Variants in ANKRD42 observed in about 807,000 individuals in gnomAD.
ANKRD42 encodes ankyrin repeat domain-containing protein 42.
A neutral mutation model predicts 51.5 loss-of-function variants in ANKRD42; 43 were observed. The ratio of observed to expected loss-of-function variants is 0.83; its 90% confidence interval spans 0.65 to 1.08. The LOEUF is 1.08. ANKRD42 is among the 50% of genes least tolerant of loss of function. ANKRD42 has a pLI of 0.00. For missense variants in ANKRD42, 608 were observed against 629.3 expected, an observed-to-expected ratio of 0.97 and a Z score of 0.36; for synonymous variants, 203 against 213.0, an observed-to-expected ratio of 0.95 and a Z score of 0.41.
Position 83,255,895 on chromosome 11 carries a change from A to C in ANKRD42, c.1515A>C (p.Lys505Asn), listed in dbSNP as rs897458558. ...ACAAAGAGAAGAGGCGAGTAAAAAAAAAGGTTTCTTCTGGAGGGGTGTTTG... is the reference window on the plus strand; with the variant it reads ...ACAAAGAGAAGAGGCGAGTAAAAAACAAGGTTTCTTCTGGAGGGGTGTTTG... The change falls in exon 12 of 12, where the codon AAA (lysine) becomes AAC (asparagine). Residue 505 changes from lysine (K) to asparagine (N), a missense_variant. By Grantham distance (94) the Lys-to-Asn change is moderately conservative. Transcript: ENST00000260047. 5 of 1,534,882 alleles carry C rather than the reference A, an allele frequency of 3.3e-6. No individual in the cohort carries two copies. In the Admixed American group the frequency reaches 9.8e-5, roughly 30 times the overall value.
chr11:83,255,233 C>CA (rs1436428496), intron 11 of ANKRD42, among the ~76,000 whole-genome samples: 1 of 152,182 alleles, frequency 6.6e-6, no homozygotes, highest in African/African-American at 2.4e-5. Context: ...AGTGACCATC[C>CA]ATTGTGTTTC....
chr11:83,239,125 G>A (rs1476265364), intron 8 of ANKRD42, among the ~76,000 whole-genome samples: 2 of 152,140 alleles, frequency 1.3e-5, no homozygotes, highest in Non-Finnish European at 2.9e-5. Context: ...TAGGTATGTA[G>A]TGGTAGCTCA....
At position 83,241,670 on chromosome 11, in the gene ANKRD42, T is replaced by C. The variant is rs568009963; in HGVS notation, c.1195+736T>C. Among the ~76,000 whole-genome samples the C allele has an allele frequency of 1.1e-4, 17 of 152,322 alleles. No individual in the cohort carries two copies. In the East Asian group the frequency reaches 3.1e-3, roughly 28 times the overall value. On this transcript the variant is annotated intron_variant, in intron 9 of 10. Coordinates refer to ENST00000533342, the MANE Select transcript of ANKRD42 (RefSeq NM_001300975.2). ...CCCAGTCAGATCATGTAGGGCCTAA[T>C]AAGGATTTTAGATTTCGATTTTTAT...
intron 4 of ANKRD42, among the ~76,000 whole-genome samples, chr11:83,211,087 T>C (rs1862296765): frequency 6.6e-6 from 1 of 152,260 alleles, no homozygotes; most frequent in African/African-American, 2.4e-5. Flanking sequence ...AACTATTTTA[T>C]GTGACTCGTT....
At chr11:83,261,847 A>G (rs1591022748), downstream of ANKRD42, 1 of 1,212,288 alleles carries the variant, frequency 8.2e-7, no homozygotes, top group South Asian at 1.3e-5. Flanking sequence ...ACAATGTTCA[A>G]AGTAAATCTC....
At chr11:83,228,517 C>T (rs1311446501) in intron 7 of ANKRD42, among the ~76,000 whole-genome samples, 1 of 152,090 alleles carries the variant, frequency 6.6e-6, no homozygotes, top group African/African-American at 2.4e-5. Flanking sequence ...GCGTGAGCCA[C>T]CATGCCTGGC....
chr11:83,231,391 CA>C (rs1863068359), intron 7 of ANKRD42, among the ~76,000 whole-genome samples: 1 of 152,100 alleles, frequency 6.6e-6, no homozygotes, highest in Non-Finnish European at 1.5e-5. Context: ...ATCTTTTGCC[CA>C]TTTAAAAATC....
intron 1 of ANKRD42, among the ~76,000 whole-genome samples, chr11:83,196,110 G>A (rs1861643058): frequency 6.6e-6 from 1 of 152,018 alleles, no homozygotes; most frequent in Non-Finnish European, 1.5e-5. Context: ...CCAAAGTCCT[G>A]GGATTACAGG....
chr11:83,209,329 G>C (rs1312677842), intron 3 of ANKRD42: 19 of 938,330 alleles, frequency 2.0e-5, no homozygotes, highest in Non-Finnish European at 2.9e-5. Context: ...AAAGTGGGTG[G>C]GAGTGCGTGC....
intron 5 of ANKRD42, 33 bp downstream of exon 5, chr11:83,211,463 C>A (rs1234920920): frequency 2.5e-6 from 4 of 1,604,426 alleles, no homozygotes; most frequent in Non-Finnish European, 2.6e-6. Flanking sequence ...TTTAGTTTTT[C>A]ATTGATGTAA....
Position 83,198,683 on chromosome 11 carries a change from G to T in ANKRD42, c.222+41G>T, listed in dbSNP as rs1483889178. ...TATCACTAAACTGAGGTAAGTTTTA[G>T]CTATAACAGTTTTGTAAATTTAGCA... On this transcript the variant is annotated intron_variant, in intron 2 of 10. Transcript: ENST00000533342. The T allele has an allele frequency of 2.5e-5, 37 of 1,506,928 alleles. No homozygotes were observed. In the Admixed American group the frequency reaches 5.5e-4, roughly 22 times the overall value. 93.3% of individuals were successfully genotyped at this position (1,506,928 alleles called of 1,614,324 possible).
At chr11:83,256,707 T>TC (rs1335565826), downstream of ANKRD42, among the ~76,000 whole-genome samples, 1 of 152,210 alleles carries the variant, frequency 6.6e-6, no homozygotes, top group African/African-American at 2.4e-5. Flanking sequence ...TGCCCACCCT[T>TC]TGGACCCTTG....
At chr11:83,231,744 G>A (rs1314599939) in intron 7 of ANKRD42, among the ~76,000 whole-genome samples, 2 of 152,162 alleles carry the variant, frequency 1.3e-5, no homozygotes, top group African/African-American at 4.8e-5. Flanking sequence ...GTGAGAGATA[G>A]GGGTCTAGTT....
downstream of ANKRD42, among the ~76,000 whole-genome samples, chr11:83,251,459 T>C (rs1034126445): frequency 1.3e-5 from 2 of 152,200 alleles, no homozygotes; most frequent in Non-Finnish European, 2.9e-5. Context: ...TAAGACTTTA[T>C]ATTCAGCAGA....
intron 2 of ANKRD42, among the ~76,000 whole-genome samples, chr11:83,199,920 C>G (rs1284290299): frequency 6.6e-6 from 1 of 152,136 alleles, no homozygotes. Flanking sequence ...TTCTTTGGAG[C>G]CTGATGGTTC....
chr11:83,224,742 CCACTG>C, intron 5 of ANKRD42, 108 bp from the exon 6 acceptor site: 1 of 793,462 alleles, frequency 1.3e-6, no homozygotes, highest in South Asian at 2.6e-5. Flanking sequence ...TATGATTGTG[CCACTG>C]CACTCCAGCC....
At chr11:83,208,799 G>A (rs184742604) in intron 3 of ANKRD42, among the ~76,000 whole-genome samples, 145 of 152,214 alleles carry the variant, frequency 9.5e-4, no homozygotes, top group Non-Finnish European at 1.9e-3. Flanking sequence ...AGGTAGAGAG[G>A]GCCCAGGCAG....
intron 5 of ANKRD42, among the ~76,000 whole-genome samples, chr11:83,218,705 G>T (rs504759): frequency 2.0e-5 from 3 of 152,000 alleles, no homozygotes; most frequent in Non-Finnish European, 4.4e-5. Context: ...ACTTCGGTGG[G>T]GCTGGATGAA....
At chr11:83,214,273 A>G (rs183052486) in intron 5 of ANKRD42, 36 of 238,326 alleles carry the variant, frequency 1.5e-4, no homozygotes, top group Non-Finnish European at 2.3e-4. Flanking sequence ...TTTTGTGATC[A>G]TGAAGACATT....
Sources: gnomAD v4.1 joint callset for allele counts (sites outside exome capture counted in the v4.1 genomes callset) on GRCh38, gnomAD v4.1.1 for gene constraint, MANE v1.5 for transcripts, NCBI Gene and HGNC (gene_info 2026-07-23, HGNC 2026-07-21) for gene names.